NELL1: variants seen among roughly 807,000 people sequenced by gnomAD.
NELL1 encodes the protein protein kinase C-binding protein NELL1.
Under a neutral mutation model 107.4 loss-of-function variants are expected in NELL1, and 76 were observed. That is an observed-to-expected ratio of 0.71 (90% confidence interval 0.59 to 0.86). The LOEUF (loss-of-function observed/expected upper bound fraction) is 0.86. Among genes scored for constraint, NELL1 ranks in the 40% least tolerant of loss-of-function variants. NELL1 has a pLI of 0.00. For missense variants in NELL1, 1,024 were observed against 1,005.5 expected (o/e 1.02, Z -0.25); for synonymous variants, 353 against 341.2 (o/e 1.03, Z -0.38).
At chr11:21,213,203 A>T (rs944131008) in intron 13 of NELL1, among the ~76,000 whole-genome samples, 3 of 152,176 alleles carry the variant, frequency 2.0e-5, no homozygotes, top group Admixed American at 2.0e-4. Flanking sequence ...CATTTAAAAA[A>T]ACACTAATGG....
chr11:21,359,362 G>A (rs980426748), intron 14 of NELL1, among the ~76,000 whole-genome samples: 9 of 152,126 alleles, frequency 5.9e-5, no homozygotes, highest in Admixed American at 5.2e-4. Context: ...TTTTTGATAT[G>A]CTGTTGGATT....
chr11:21,358,609 G>A (rs556344717), intron 14 of NELL1, among the ~76,000 whole-genome samples: 32 of 144,862 alleles, frequency 2.2e-4, no homozygotes, highest in African/African-American at 7.1e-4. Flanking sequence ...TAGAGATGGG[G>A]TTTTGCCATA....
At chr11:20,731,430 G>C (rs1855640840) in intron 2 of NELL1, among the ~76,000 whole-genome samples, 2 of 152,222 alleles carry the variant, frequency 1.3e-5, no homozygotes, top group Non-Finnish European at 2.9e-5. Context: ...ACTGGAGCTA[G>C]GTTAGGTAGC....
intron 14 of NELL1, among the ~76,000 whole-genome samples, chr11:21,258,661 T>C (rs766649877): frequency 1.3e-5 from 2 of 151,948 alleles, no homozygotes; most frequent in South Asian, 2.1e-4. Flanking sequence ...TTCAGTCTAC[T>C]GATTCAAAAT....
At chr11:21,254,736 G>A (rs1447905735) in intron 14 of NELL1, among the ~76,000 whole-genome samples, 1 of 152,066 alleles carries the variant, frequency 6.6e-6, no homozygotes, top group Non-Finnish European at 1.5e-5. Context: ...TCTAGTTGGT[G>A]AGCTTTCTAT....
At position 20,784,743 on chromosome 11, in the gene NELL1, C is replaced by T. The variant is rs7932227; in HGVS notation, c.335+913C>T. Reference sequence around the variant, plus strand: ...AATACTGGGTTCCTCTGTATTAGTCCACTGAAAATATTTATGAAGCACCTA... The same window carrying T: ...AATACTGGGTTCCTCTGTATTAGTCTACTGAAAATATTTATGAAGCACCTA... On this transcript the variant is annotated intron_variant, in intron 3 of 19. Transcript: ENST00000357134. 5.8e-3 allele frequency among the ~76,000 whole-genome samples: 876 copies of T among 152,126 alleles called. 8 individuals carry two copies. Among genetic ancestry groups the T allele is most frequent in the African/African-American group, 0.02 (835 of 41,494 alleles).
chr11:21,263,105 A>C (rs1791825), intron 14 of NELL1, among the ~76,000 whole-genome samples: 55,786 of 151,382 alleles, frequency 0.37, 10,999 homozygotes, highest in Non-Finnish European at 0.45. Flanking sequence ...GTGTCCTTTC[A>C]CTCTTAGGAC....
intron 7 of NELL1, among the ~76,000 whole-genome samples, chr11:20,920,569 G>A (rs918993013): frequency 6.6e-6 from 1 of 152,084 alleles, no homozygotes; most frequent in African/African-American, 2.4e-5. Flanking sequence ...TACCTTCCCA[G>A]CTTGTGTTAT....
intron 9 of NELL1, among the ~76,000 whole-genome samples, chr11:20,929,887 G>A (rs1193806958): frequency 6.6e-6 from 1 of 151,516 alleles, no homozygotes; most frequent in African/African-American, 2.4e-5. Context: ...CAGGAGAATT[G>A]CTTGAACCCG....
At chr11:21,267,519 T>C (rs2133930459) in intron 14 of NELL1, among the ~76,000 whole-genome samples, 1 of 152,246 alleles carries the variant, frequency 6.6e-6, no homozygotes, top group East Asian at 1.9e-4. Flanking sequence ...GAGTATGATC[T>C]ATAAAAACAG....
intron 12 of NELL1, among the ~76,000 whole-genome samples, chr11:21,112,936 A>G (rs1248061254): frequency 1.3e-5 from 2 of 152,058 alleles, no homozygotes; most frequent in African/African-American, 4.8e-5. Flanking sequence ...TTTAATCCCT[A>G]TCACGAACTT....
intron 16 of NELL1, among the ~76,000 whole-genome samples, chr11:21,542,017 G>C (rs958034082): frequency 6.6e-6 from 1 of 152,070 alleles, no homozygotes; most frequent in African/African-American, 2.4e-5. Flanking sequence ...ACAATTAAGT[G>C]AGCAAACAAG....
chr11:20,905,377 C>A (rs1443584657), intron 5 of NELL1, among the ~76,000 whole-genome samples: 1 of 151,918 alleles, frequency 6.6e-6, no homozygotes, highest in African/African-American at 2.4e-5. Flanking sequence ...AAGTCACAGG[C>A]AAACAAAGAA....
chr11:21,171,309 C>CAT (rs1221079699), intron 13 of NELL1, among the ~76,000 whole-genome samples: 2 of 151,756 alleles, frequency 1.3e-5, no homozygotes, highest in Admixed American at 6.6e-5. Flanking sequence ...TACACACACA[C>CAT]ATACACACAC....
intron 13 of NELL1, among the ~76,000 whole-genome samples, chr11:21,150,142 A>G (rs1289723522): frequency 6.6e-6 from 1 of 152,122 alleles, no homozygotes; most frequent in Admixed American, 6.5e-5. Context: ...CTAATGGTGG[A>G]TGCTTAGGCT....
intron 12 of NELL1, among the ~76,000 whole-genome samples, chr11:21,091,650 C>T (rs1363220673): frequency 6.6e-6 from 1 of 152,064 alleles, no homozygotes; most frequent in Non-Finnish European, 1.5e-5. Context: ...TCCATTCATC[C>T]AATTATTTGT....
intron 15 of NELL1, among the ~76,000 whole-genome samples, chr11:21,472,733 T>C (rs931379297): frequency 6.6e-6 from 1 of 151,954 alleles, no homozygotes; most frequent in Non-Finnish European, 1.5e-5. Flanking sequence ...TGATATCTGC[T>C]GAGATGACAC....
intron 3 of NELL1, among the ~76,000 whole-genome samples, chr11:20,838,829 C>A (rs1171746372): frequency 6.6e-6 from 1 of 152,056 alleles, no homozygotes; most frequent in East Asian, 1.9e-4. Flanking sequence ...CAACTACAAC[C>A]ACCACTATAT....
intron 13 of NELL1, among the ~76,000 whole-genome samples, chr11:21,203,479 C>G (rs924796506): frequency 2.1e-5 from 3 of 143,272 alleles, no homozygotes; most frequent in South Asian, 2.2e-4. Flanking sequence ...AAATATTCCT[C>G]CATCCTTTTA....
Sources: gnomAD v4.1 joint callset for allele counts (sites outside exome capture counted in the v4.1 genomes callset) on GRCh38, gnomAD v4.1.1 for gene constraint, MANE v1.5 for transcripts, NCBI Gene and HGNC (gene_info 2026-07-23, HGNC 2026-07-21) for gene names.